The following NDUFS1 variants were observed in gnomAD, a reference collection of about 807,000 sequenced individuals.
The protein encoded by NDUFS1 is NADH-ubiquinone oxidoreductase 75 kDa subunit, mitochondrial.
NDUFS1 carries 61 observed loss-of-function variants against 84.4 expected under a neutral mutation model. That is an observed-to-expected ratio of 0.72 (90% CI 0.59 to 0.89). The LOEUF is 0.89. Ranked by LOEUF, NDUFS1 falls within the 40% of genes least tolerant of loss-of-function variation. The pLI is 0.00. For missense variants in NDUFS1, 891 were observed against 890.0 expected, an observed-to-expected ratio of 1.00 and a Z score of -0.01; for synonymous variants, 275 against 290.0, an observed-to-expected ratio of 0.95 and a Z score of 0.53.
intron 14 of NDUFS1, among the ~76,000 whole-genome samples, chr2:206,132,119 T>C (rs1691535494): frequency 6.6e-6 from 1 of 151,322 alleles, no homozygotes; most frequent in Non-Finnish European, 1.5e-5. Context: ...AGTGAGACTC[T>C]GGTCTCAAAA....
rs1127567 is a variant in NDUFS1 at position 206,141,954 on chromosome 2, T to C, written c.1249A>G (p.Arg417Gly). ...ACTATTACCAACCTCTTTCGAATTC[T>C]AGCATTAAACAGTGGTGCCTCAAAA... ...PRFEAPLFNA[R>G]IRKSWLHNDL... The change falls in exon 12 of 19, where the codon AGA becomes GGA. Residue 417 changes from arginine (R) to glycine (G), a missense_variant. Coordinates refer to ENST00000233190, the MANE Select transcript of NDUFS1 (RefSeq NM_005006.7). 2 of 1,610,144 alleles carry C rather than the reference T, an allele frequency of 1.2e-6. No homozygotes were observed. The highest frequency in any genetic ancestry group is 4.5e-5 in the East Asian group (2 of 44,860).
intron 13 of NDUFS1, 59 bp from the exon 14 acceptor site, chr2:206,133,164 A>T: frequency 1.4e-6 from 2 of 1,403,066 alleles, no homozygotes; most frequent in Admixed American, 4.2e-5. Context: ...TGAACACCAA[A>T]CCATATTTGC....
In NDUFS1 at chr2:206,146,941, A is replaced by T. The variant is rs762031799; in HGVS notation, c.699T>A (p.Ser233=). The T allele has an allele frequency of 6.2e-7, 1 of 1,614,100 alleles. No homozygotes were observed. Among genetic ancestry groups the T allele is most frequent in the Non-Finnish European group, 8.5e-7 (1 of 1,179,940 alleles). ...GCCGGGCAGTAAAGGCATAGGGCTT[A>T]GAGGTTAGGGCACCTACAGGGCAGA... ...IDICPVGALT[S]KPYAFTARPW... The change falls in exon 8 of 19, where the codon TCT becomes TCA. Residue 233 remains serine, a synonymous_variant. Coordinates refer to ENST00000233190, the MANE Select transcript of NDUFS1 (RefSeq NM_005006.7).
chr2:206,149,400 C>G (rs1286804253), intron 4 of NDUFS1, among the ~76,000 whole-genome samples: 2 of 152,062 alleles, frequency 1.3e-5, no homozygotes, highest in Non-Finnish European at 2.9e-5. Context: ...TTAGCAGGCA[C>G]TATTGAATAA....
intron 13 of NDUFS1, among the ~76,000 whole-genome samples, chr2:206,138,139 G>A (rs1484479450): frequency 6.6e-6 from 1 of 152,198 alleles, no homozygotes; most frequent in Non-Finnish European, 1.5e-5. Context: ...TGCCCAGGCT[G>A]GAGTGCAGTG....
chr2:206,147,017 G>A lies in NDUFS1; in HGVS notation c.623C>T (p.Thr208Ile), dbSNP rs1400693048. The A allele has an allele frequency of 1.9e-6, 3 of 1,614,090 alleles. No individual in the cohort carries two copies. Among genetic ancestry groups the A allele is most frequent in the African/African-American group, 2.7e-5 (2 of 75,034 alleles). Residue 208 changes from threonine (T) to isoleucine (I), a missense_variant, in exon 8 of 19, where the codon ACA becomes ATA. Coordinates refer to ENST00000233190, the MANE Select transcript of NDUFS1 (RefSeq NM_005006.7). The stretch of plus-strand genomic sequence containing the variant: ...AGACATGAACATCTTTTCAATGTAT[G>A]TGCCAACTTGCATATCATTTCCTCT... ...TGRGNDMQVG[T>I]YIEKMFMSEL...
chr2:206,141,982 T>C lies in NDUFS1; in HGVS notation c.1221A>G (p.Pro407=). ...CATTAAACAGTGGTGCCTCAAAACG[T>C]GGGTTTGTACCAACCAGAAGAACAA... ...ADVVLLVGTN[P]RFEAPLFNAR... The change falls in exon 12 of 19, where the codon CCA becomes CCG. Residue 407 remains proline, a synonymous_variant. Coordinates refer to ENST00000233190, the MANE Select transcript of NDUFS1 (RefSeq NM_005006.7). The C allele has an allele frequency of 6.2e-7, 1 of 1,611,576 alleles. No homozygotes were observed. The highest frequency in any genetic ancestry group is 8.5e-7 in the Non-Finnish European group (1 of 1,177,812).
chr2:206,145,955 A>G (rs926632954), intron 8 of NDUFS1, among the ~76,000 whole-genome samples: 3 of 152,184 alleles, frequency 2.0e-5, no homozygotes, highest in Admixed American at 6.5e-5. Flanking sequence ...AGGCTGCTAC[A>G]TGTGCAGGTG....
intron 1 of NDUFS1, among the ~76,000 whole-genome samples, chr2:206,156,417 A>G (rs1687656279): frequency 6.6e-6 from 1 of 150,754 alleles, no homozygotes; most frequent in South Asian, 2.1e-4. Flanking sequence ...TACCAAAAAA[A>G]AAAAAAAATT....
intron 3 of NDUFS1, among the ~76,000 whole-genome samples, chr2:206,150,853 C>T (rs1461644661): frequency 6.6e-6 from 1 of 152,086 alleles, no homozygotes; most frequent in Non-Finnish European, 1.5e-5. Flanking sequence ...TTCCTCCGGT[C>T]TCTTTGAGTT....
chr2:206,156,365 C>T (rs973564930), intron 1 of NDUFS1, among the ~76,000 whole-genome samples: 3 of 147,706 alleles, frequency 2.0e-5, no homozygotes, highest in Non-Finnish European at 4.5e-5. Context: ...TTGGGTCTAA[C>T]AGTTAGAGGC....
chr2:206,159,154 A>G, intron 1 of NDUFS1, 187 bp downstream of exon 1: 1 of 1,535,592 alleles, frequency 6.5e-7, no homozygotes, highest in Non-Finnish European at 8.7e-7. Flanking sequence ...GCTTCATCAG[A>G]CCAGAGACCG....
intron 9 of NDUFS1, 39 bp from the exon 10 acceptor site, chr2:206,144,171 A>T (rs755296739): frequency 5.6e-6 from 8 of 1,439,166 alleles, no homozygotes; most frequent in Non-Finnish European, 7.8e-6. Context: ...AATCTTGCTA[A>T]AGAAGTAACT....
rs62195386 is a variant in NDUFS1 at position 206,147,060 on chromosome 2, C to A, written c.580G>T (p.Asp194Tyr). ...TTTCCTCTGCCTGTTGTTCCCAAAT[C>A]ATCTACTCCTGCAATCTCACTTGCA... The part of the protein sequence containing the change: ...RFASEIAGVD[D>Y]LGTTGRGNDM... The change falls in exon 8 of 19, where the codon GAT (aspartate) becomes TAT (tyrosine). Residue 194 changes from aspartate to tyrosine, a missense_variant. Transcript: ENST00000233190. 1.2e-6 allele frequency: 2 copies of A among 1,614,074 alleles called. No homozygotes were observed. The highest frequency in any genetic ancestry group is 1.1e-5 in the South Asian group (1 of 91,080).
At position 206,122,705 on chromosome 2, in the gene NDUFS1, A is replaced by G. The variant is rs1346284558; in HGVS notation, c.*1480T>C. 1 of 151,874 alleles carries G rather than the reference A, an allele frequency of 6.6e-6. No individual in the cohort carries two copies. Among genetic ancestry groups the G allele is most frequent in the Admixed American group, 6.6e-5 (1 of 15,214 alleles). The allele number at this position is 151,874 out of a possible 1,614,324, so 9.4% of individuals were successfully genotyped here. On this transcript the variant is annotated 3_prime_UTR_variant, in exon 19 of 19. Transcript: ENST00000233190. ...GTCTTTAGTGAAAGCAGAAAAGAAT[A>G]AGGATTACAAAACAAATAAATTGTG...
intron 1 of NDUFS1, among the ~76,000 whole-genome samples, chr2:206,157,905 T>C (rs1490984216): frequency 6.6e-6 from 1 of 151,826 alleles, no homozygotes; most frequent in African/African-American, 2.4e-5. Context: ...CTTCTTGCCT[T>C]CCAAGGTACC....
intron 18 of NDUFS1, among the ~76,000 whole-genome samples, chr2:206,126,218 T>C (rs1691286221): frequency 6.6e-6 from 1 of 152,200 alleles, no homozygotes; most frequent in Admixed American, 6.5e-5. Context: ...CCACCTATAA[T>C]TCTCAGAAAA....
intron 1 of NDUFS1, among the ~76,000 whole-genome samples, chr2:206,154,549 G>A (rs567345415): frequency 6.6e-6 from 1 of 152,314 alleles, no homozygotes; most frequent in Non-Finnish European, 1.5e-5. Flanking sequence ...TGAAATAAAT[G>A]GGTGTCGATT....
At chr2:206,134,343 A>G (rs1357829778) in intron 13 of NDUFS1, among the ~76,000 whole-genome samples, 1 of 152,166 alleles carries the variant, frequency 6.6e-6, no homozygotes, top group South Asian at 2.1e-4. Flanking sequence ...AACAATAAAA[A>G]ACTAAACAGG....
Sources: allele counts gnomAD v4.1 joint callset (sites outside exome capture counted in the v4.1 genomes callset), GRCh38; gene constraint gnomAD v4.1.1; transcripts MANE v1.5; gene names NCBI Gene and HGNC (gene_info 2026-07-23, HGNC 2026-07-21).